TNRC6A: variants seen among roughly 807,000 people sequenced by gnomAD.
The protein encoded by TNRC6A is trinucleotide repeat-containing gene 6A protein.
A neutral mutation model predicts 221.2 loss-of-function variants in TNRC6A; 44 were observed. The observed-to-expected ratio is 0.20, with a 90% CI of 0.16 to 0.26. The LOEUF (loss-of-function observed/expected upper bound fraction) is 0.26. Among genes scored for constraint, TNRC6A ranks in the 10% least tolerant of loss-of-function variants. TNRC6A has a pLI of 1.00. For missense variants in TNRC6A, 2,199 were observed against 2,404.4 expected, an observed-to-expected ratio of 0.91 and a Z score of 1.79; for synonymous variants, 847 against 838.5, an observed-to-expected ratio of 1.01 and a Z score of -0.18.
At chr16:24,703,846 G>A (rs1223330452) in intron 2 of TNRC6A, among the ~76,000 whole-genome samples, 1 of 151,966 alleles carries the variant, frequency 6.6e-6, no homozygotes, top group Non-Finnish European at 1.5e-5. Context: ...CACTTTGGGA[G>A]GCCAAGGTGG....
At chr16:24,782,628 A>T (rs1044423339) in intron 5 of TNRC6A, among the ~76,000 whole-genome samples, 3 of 152,180 alleles carry the variant, frequency 2.0e-5, no homozygotes, top group Non-Finnish European at 4.4e-5. Context: ...CTGTAATCCC[A>T]GTGCTTTGGG....
intron 11 of TNRC6A, among the ~76,000 whole-genome samples, chr16:24,802,245 C>T (rs749760551): frequency 6.6e-6 from 1 of 152,060 alleles, no homozygotes; most frequent in Non-Finnish European, 1.5e-5. Context: ...GAGATGAAAA[C>T]CTGTGTTAAC....
intron 1 of TNRC6A, among the ~76,000 whole-genome samples, chr16:24,624,694 G>A (rs1303312130): frequency 2.0e-5 from 3 of 152,096 alleles, no homozygotes; most frequent in African/African-American, 4.8e-5. Context: ...ATGTTGCCCA[G>A]GCTGGCCTCA....
intron 2 of TNRC6A, among the ~76,000 whole-genome samples, chr16:24,646,644 C>T (rs1368321918): frequency 6.6e-6 from 1 of 152,172 alleles, no homozygotes; most frequent in African/African-American, 2.4e-5. Context: ...TTTTTCATAT[C>T]TAAGTGAAAT....
chr16:24,725,915 G>A (rs1352575367), upstream of TNRC6A, among the ~76,000 whole-genome samples: 2 of 151,720 alleles, frequency 1.3e-5, no homozygotes, highest in Admixed American at 6.6e-5. Context: ...CAAGGGAATC[G>A]CTTGAACCCG....
intron 18 of TNRC6A, among the ~76,000 whole-genome samples, chr16:24,812,492 A>G (rs530586098): frequency 6.7e-4 from 102 of 152,288 alleles, no homozygotes; most frequent in Non-Finnish European, 1.1e-3. Context: ...CTTAATGGCA[A>G]TGTTTCAGTA....
At chr16:24,820,552 A>T (rs774704770) in intron 22 of TNRC6A, among the ~76,000 whole-genome samples, 192 bp downstream of exon 22, 7 of 152,218 alleles carry the variant, frequency 4.6e-5, no homozygotes, top group African/African-American at 1.7e-4. Context: ...TGCATTAGGA[A>T]GCTCCATTGT....
At chr16:24,690,451 A>G (rs1288543321) in intron 2 of TNRC6A, among the ~76,000 whole-genome samples, 1 of 152,168 alleles carries the variant, frequency 6.6e-6, no homozygotes, top group African/African-American at 2.4e-5. Context: ...ATCTTTCTGT[A>G]TTCTATGGCA....
intron 2 of TNRC6A, among the ~76,000 whole-genome samples, chr16:24,676,737 A>G (rs1399039803): frequency 6.6e-6 from 1 of 152,160 alleles, no homozygotes; most frequent in Non-Finnish European, 1.5e-5. Context: ...TATAGGCGTG[A>G]GCTACTGCAC....
Position 24,729,852 on chromosome 16 carries a change from C to A in TNRC6A, c.5+6C>A. 7.3e-7 allele frequency: 1 copy of A among 1,361,042 alleles called. No homozygotes were observed. Among genetic ancestry groups the A allele is most frequent in the Non-Finnish European group, 9.5e-7 (1 of 1,047,462 alleles). The allele number at this position is 1,361,042 out of a possible 1,614,324, so 84.3% of individuals were successfully genotyped here. ...GTGCACTTTACACACATGAGGTGAG[C>A]GGAACAAGGGCCTCCCTCCGGGCGG... On this transcript the variant is annotated splice_donor_region_variant and intron_variant, in intron 1 of 24. Transcript: ENST00000395799.
At chr16:24,811,950 G>A (rs758539301) in intron 18 of TNRC6A, among the ~76,000 whole-genome samples, 4 of 147,184 alleles carry the variant, frequency 2.7e-5, no homozygotes, top group African/African-American at 7.5e-5. Flanking sequence ...AGAAGGAACC[G>A]CTAGACCATA....
At chr16:24,640,142 A>C (rs1022001063) in intron 1 of TNRC6A, among the ~76,000 whole-genome samples, 7 of 152,136 alleles carry the variant, frequency 4.6e-5, no homozygotes, top group African/African-American at 7.2e-5. Flanking sequence ...GCTCACGCCT[A>C]TAATCCCAGC....
chr16:24,714,509 G>A (rs1291769969), intron 2 of TNRC6A, among the ~76,000 whole-genome samples: 1 of 151,502 alleles, frequency 6.6e-6, no homozygotes, highest in African/African-American at 2.4e-5. Context: ...GTTTCACTGT[G>A]TTAGCCAGGA....
At chr16:24,791,901 C>T (rs555855588) in intron 6 of TNRC6A, 84 bp downstream of exon 6, 1 of 1,356,598 alleles carries the variant, frequency 7.4e-7, no homozygotes, top group South Asian at 1.8e-5. Context: ...TGGATATGCA[C>T]ACAAAGGCTG....
At chr16:24,730,899 A>T (rs1278320303) in intron 2 of TNRC6A, among the ~76,000 whole-genome samples, 1 of 151,760 alleles carries the variant, frequency 6.6e-6, no homozygotes, top group African/African-American at 2.4e-5. Flanking sequence ...AGCTGGTAAA[A>T]TAATTAAAAA....
chr16:24,809,516 A>C (rs1567510798), intron 18 of TNRC6A, 35 bp downstream of exon 18: 3 of 1,511,124 alleles, frequency 2.0e-6, no homozygotes, highest in African/African-American at 1.4e-5. Flanking sequence ...AAAAAAAAAA[A>C]AACACACACA....
At chr16:24,676,852 C>T (rs2055429450) in intron 2 of TNRC6A, among the ~76,000 whole-genome samples, 1 of 152,162 alleles carries the variant, frequency 6.6e-6, no homozygotes, top group Non-Finnish European at 1.5e-5. Flanking sequence ...TCTCTGAGTG[C>T]TCTTTCACCT....
chr16:24,793,569 G>C lies in TNRC6A; in HGVS notation c.3272G>C (p.Trp1091Ser), dbSNP rs139796934. 31 of 1,570,410 alleles carry C rather than the reference G, an allele frequency of 2.0e-5. No homozygotes were observed. Among genetic ancestry groups the C allele is most frequent in the East Asian group, 4.7e-5 (2 of 42,562 alleles). Residue 1091 changes from tryptophan (W) to serine (S), a missense_variant, in exon 7 of 25, where the codon TGG becomes TCG. Trp to Ser is a radical substitution (Grantham distance 177, BLOSUM62 -3). Coordinates refer to ENST00000395799, the MANE Select transcript of TNRC6A (RefSeq NM_014494.4). ...WGKPIDSGPS[W>S]GEPIAAASST... Reference sequence around the variant, plus strand: ...AAGCCCATAGACAGTGGTCCCAGCTGGGGGGAACCCATTGCTGCGGCATCC... The same window carrying C: ...AAGCCCATAGACAGTGGTCCCAGCTCGGGGGAACCCATTGCTGCGGCATCC...
chr16:24,675,714 A>T (rs1407066331), intron 2 of TNRC6A, among the ~76,000 whole-genome samples: 2 of 105,938 alleles, frequency 1.9e-5, no homozygotes, highest in Non-Finnish European at 3.9e-5. Context: ...ATATATATAT[A>T]TATATATATA....
Sources: allele counts gnomAD v4.1 joint callset (sites outside exome capture counted in the v4.1 genomes callset), GRCh38; gene constraint gnomAD v4.1.1; transcripts MANE v1.5; gene names NCBI Gene and HGNC (gene_info 2026-07-23, HGNC 2026-07-21).